The following MYH16 variants were observed in gnomAD, a reference collection of about 807,000 sequenced individuals.
MYH16 encodes myosin heavy chain 16, also known as putative uncharacterized protein MYH16.
chr7:99,309,814 G>C (rs553075871), downstream of MYH16, among the ~76,000 whole-genome samples: 1 of 152,354 alleles, frequency 6.6e-6, no homozygotes, highest in Admixed American at 6.5e-5. Context: ...GAGGTGATGA[G>C]GCTGTGCCTC....
At chr7:99,241,205 C>T (rs950488793) in intron 1 of MYH16, among the ~76,000 whole-genome samples, 1 of 152,192 alleles carries the variant, frequency 6.6e-6, no homozygotes, top group African/African-American at 2.4e-5. Context: ...AGGCCAAGTT[C>T]TCCATTCCTC....
intron 23 of MYH16, among the ~76,000 whole-genome samples, chr7:99,282,076 G>A (rs1337553801): frequency 2.0e-5 from 3 of 152,222 alleles, no homozygotes; most frequent in Non-Finnish European, 4.4e-5. Flanking sequence ...AGACTGGAGT[G>A]CAGTGGCGTG....
At chr7:99,289,396 G>A (rs1310131286) in exon 30 of MYH16, 4 of 436,574 alleles carry the variant, frequency 9.2e-6, no homozygotes, top group African/African-American at 6.1e-5. Flanking sequence ...ATCAGGACCC[G>A]CCTCCAAGGT....
At chr7:99,240,296 A>T (rs1442408228) in intron 1 of MYH16, among the ~76,000 whole-genome samples, 1 of 152,114 alleles carries the variant, frequency 6.6e-6, no homozygotes, top group Non-Finnish European at 1.5e-5. Context: ...TCATATGCCC[A>T]TGCCCCTTCT....
intron 37 of MYH16, among the ~76,000 whole-genome samples, chr7:99,301,195 CAAAAAAAAAA>C (rs11315562): frequency 3.7e-5 from 2 of 54,484 alleles, no homozygotes; most frequent in African/African-American, 6.9e-5. Context: ...GACTCTGTCT[CAAAAAAAAAA>C]AAAAAAAAAA....
intron 20 of MYH16, among the ~76,000 whole-genome samples, chr7:99,274,981 T>A (rs1424046089): frequency 6.6e-6 from 1 of 151,664 alleles, no homozygotes; most frequent in East Asian, 1.9e-4. Flanking sequence ...CTGGCCTCGC[T>A]TTTTTATTTT....
chr7:99,297,831 C>T (rs531777523), intron 35 of MYH16, 35 bp downstream of exon 16: 4 of 456,646 alleles, frequency 8.8e-6, no homozygotes, highest in South Asian at 6.2e-5. Flanking sequence ...GGACTGTGGA[C>T]CCTTGGCCAG....
chr7:99,300,604 C>T (rs961208930), intron 37 of MYH16, among the ~76,000 whole-genome samples: 4 of 152,080 alleles, frequency 2.6e-5, no homozygotes, highest in African/African-American at 7.2e-5. Context: ...GGCTTGAGTT[C>T]GTGACTGGCC....
chr7:99,298,065 C>A (rs1792529423), intron 36 of MYH16, 70 bp downstream of exon 17: 2 of 444,142 alleles, frequency 4.5e-6, no homozygotes, highest in Admixed American at 4.9e-5. Flanking sequence ...AAACCCCAGT[C>A]TCTTCCACCT....
chr7:99,266,622 A>G (rs1791989707), intron 17 of MYH16, among the ~76,000 whole-genome samples: 1 of 152,158 alleles, frequency 6.6e-6, no homozygotes, highest in African/African-American at 2.4e-5. Context: ...TCATTTCTAG[A>G]AACAGCTCCT....
chr7:99,277,939 C>G lies in MYH16; in HGVS notation n.2659+227C>G, dbSNP rs61137661. ...TGTGAGAGAGAGAGAGAGAGAGAGACAGACAGACAGACAGACAGACAGACA... is the reference window on the plus strand; with the variant it reads ...TGTGAGAGAGAGAGAGAGAGAGAGAGAGACAGACAGACAGACAGACAGACA... On this transcript the variant is annotated intron_variant and non_coding_transcript_variant, in intron 21 of 41. Coordinates refer to ENST00000439784, the Ensembl canonical transcript of MYH16. Among the ~76,000 whole-genome samples, 1,141 of 118,806 alleles carry G rather than the reference C, an allele frequency of 9.6e-3. 2 individuals are homozygous for G. Among genetic ancestry groups the G allele is most frequent in the African/African-American group, 0.02 (606 of 29,874 alleles). 77.9% of individuals were successfully genotyped at this position (118,806 alleles called of 152,430 possible). A position where few individuals can be genotyped will look rare whatever the true frequency, so the allele number is the denominator to read the frequency against.
chr7:99,275,825 G>A (rs537995623), intron 20 of MYH16, among the ~76,000 whole-genome samples: 11 of 152,310 alleles, frequency 7.2e-5, no homozygotes, highest in Admixed American at 3.3e-4. Context: ...TCCGCCTCCC[G>A]GATTCAAGCG....
intron 18 of MYH16, among the ~76,000 whole-genome samples, chr7:99,268,533 T>C (rs920433140): frequency 6.6e-6 from 1 of 152,216 alleles, no homozygotes; most frequent in African/African-American, 2.4e-5. Context: ...ATCTTGCTGT[T>C]GTACAAGGGT....
intron 22 of MYH16, among the ~76,000 whole-genome samples, chr7:99,280,561 G>A (rs920988818): frequency 3.3e-5 from 5 of 152,168 alleles, no homozygotes; most frequent in African/African-American, 4.8e-5. Flanking sequence ...CTAAACTTGC[G>A]CTTCTCCTGC....
chr7:99,293,904 A>T (rs17161652), intron 32 of MYH16, 114 bp from the exon 14 acceptor site: 1 of 333,888 alleles, frequency 3.0e-6, no homozygotes, highest in African/African-American at 2.2e-5. Context: ...ATCGTTTCCA[A>T]TGTTGACACC....
chr7:99,270,718 C>CAAT (rs1417886251), intron 18 of MYH16, among the ~76,000 whole-genome samples: 2 of 151,650 alleles, frequency 1.3e-5, no homozygotes, highest in Non-Finnish European at 2.9e-5. Context: ...CCTATCTCTA[C>CAAT]AATAATAATA....
chr7:99,310,348 T>C (rs2150843437), downstream of MYH16, among the ~76,000 whole-genome samples: 1 of 152,288 alleles, frequency 6.6e-6, no homozygotes, highest in South Asian at 2.1e-4. Context: ...TTACTAATTT[T>C]AAAAATCCAT....
intron 15 of MYH16, among the ~76,000 whole-genome samples, chr7:99,264,900 GAGCAGTGCTGCCCAAT>G (rs1791972230): frequency 6.6e-6 from 1 of 152,184 alleles, no homozygotes; most frequent in African/African-American, 2.4e-5. Flanking sequence ...TGGACCTTGA[GAGCAGTGCTGCCCAAT>G]GGCACTTTCT....
chr7:99,285,462 C>G (rs1239019759), intron 27 of MYH16, 24 bp downstream of exon 9: 1 of 456,684 alleles, frequency 2.2e-6, no homozygotes, highest in Admixed American at 2.3e-5. Flanking sequence ...GTTTCCCCTT[C>G]TTGAGTCAAA....
Sources: gnomAD v4.1 joint callset for allele counts (sites outside exome capture counted in the v4.1 genomes callset) on GRCh38, gnomAD v4.1.1 for gene constraint, MANE v1.5 for transcripts, NCBI Gene and HGNC (gene_info 2026-07-23, HGNC 2026-07-21) for gene names.